The following PLCL1 variants were observed in gnomAD, a reference collection of about 807,000 sequenced individuals.
The protein encoded by PLCL1 is inactive phospholipase C-like protein 1.
In PLCL1, 41 loss-of-function variants were observed where a neutral mutation model predicts 84.4. The observed-to-expected ratio is 0.49, with a 90% CI of 0.38 to 0.63. The LOEUF (loss-of-function observed/expected upper bound fraction) is 0.63, where lower values mean the gene tolerates loss of function less well. Ranked by LOEUF, PLCL1 falls within the 30% of genes least tolerant of loss-of-function variation. The probability of loss-of-function intolerance (pLI) is 0.00; values close to 1 mark genes in which losing one functional copy is unlikely to be tolerated. For synonymous variants in PLCL1, 490 were observed against 488.3 expected (o/e 1.00, Z -0.05); for missense variants, 1,206 against 1,367.8 (o/e 0.88, Z 1.87).
chr2:198,030,777 A>C (rs926335859), intron 1 of PLCL1, among the ~76,000 whole-genome samples: 2 of 152,176 alleles, frequency 1.3e-5, no homozygotes, highest in Non-Finnish European at 2.9e-5. Flanking sequence ...AGCACACTGC[A>C]GAGGCGGAAT....
chr2:198,101,940 A>G (rs1483915576), intron 4 of PLCL1, among the ~76,000 whole-genome samples: 2 of 152,076 alleles, frequency 1.3e-5, no homozygotes, highest in African/African-American at 4.8e-5. Flanking sequence ...GACGAGGAAG[A>G]TGACAATAGT....
At chr2:198,082,918 G>A (rs910405252) in intron 1 of PLCL1, among the ~76,000 whole-genome samples, 1 of 152,168 alleles carries the variant, frequency 6.6e-6, no homozygotes, top group African/African-American at 2.4e-5. Context: ...GTCAGGGAAG[G>A]GTGAAATGGG....
intron 1 of PLCL1, among the ~76,000 whole-genome samples, chr2:198,042,073 T>C (rs1365934659): frequency 6.6e-6 from 1 of 152,152 alleles, no homozygotes; most frequent in Non-Finnish European, 1.5e-5. Context: ...TCTGTGATCG[T>C]GTTCTGGCTT....
At chr2:197,975,544 C>A (rs1689962980) in intron 1 of PLCL1, among the ~76,000 whole-genome samples, 1 of 152,184 alleles carries the variant, frequency 6.6e-6, no homozygotes, top group South Asian at 2.1e-4. Flanking sequence ...CCAGGCACCC[C>A]TGCAATCCCA....
intron 1 of PLCL1, among the ~76,000 whole-genome samples, chr2:197,960,254 G>A (rs748924298): frequency 6.6e-6 from 1 of 152,062 alleles, no homozygotes; most frequent in Admixed American, 6.6e-5. Context: ...AAAAGATGGA[G>A]GAACATTGAT....
intron 1 of PLCL1, among the ~76,000 whole-genome samples, chr2:197,944,248 C>T (rs1689226486): frequency 6.6e-6 from 1 of 152,052 alleles, no homozygotes; most frequent in Admixed American, 6.5e-5. Flanking sequence ...AATTTTGTCT[C>T]TTCAGAGAAG....
intron 1 of PLCL1, among the ~76,000 whole-genome samples, chr2:198,026,874 G>T (rs1263037732): frequency 6.6e-6 from 1 of 152,108 alleles, no homozygotes; most frequent in Non-Finnish European, 1.5e-5. Context: ...TACAAATATT[G>T]GCAAGGGTGT....
intron 1 of PLCL1, among the ~76,000 whole-genome samples, chr2:197,909,286 G>A (rs1372490953): frequency 2.0e-5 from 3 of 152,000 alleles, no homozygotes; most frequent in Non-Finnish European, 4.4e-5. Flanking sequence ...TGGTTTGAAA[G>A]AATGTTATTA....
chr2:197,882,789 G>A (rs1687853856), intron 1 of PLCL1, among the ~76,000 whole-genome samples: 1 of 152,160 alleles, frequency 6.6e-6, no homozygotes, highest in Non-Finnish European at 1.5e-5. Context: ...TATACTATAT[G>A]TATACTTATA....
In PLCL1 at chr2:198,085,339, A is replaced by T; in HGVS notation, c.1822A>T (p.Asn608Tyr). The stretch of plus-strand genomic sequence containing the variant: ...TTTTGAACTATCTATGAAAAGCCAA[A>T]ACTATTGGGAAATGTGTTCATTTAG... ...RDFELSMKSQ[N>Y]YWEMCSFSET... Residue 608 changes from asparagine to tyrosine, a missense_variant, in exon 2 of 6, where the codon AAC (asparagine) becomes TAC (tyrosine). Asn to Tyr is a moderately radical substitution (Grantham distance 143, BLOSUM62 -2). Coordinates refer to ENST00000428675, the MANE Select transcript of PLCL1 (RefSeq NM_006226.4). The surrounding 1 kb of genome is among the most constrained non-coding windows in gnomAD (Gnocchi z 5.3). 6.2e-7 allele frequency: 1 copy of T among 1,613,302 alleles called. No homozygotes were observed.
At chr2:198,056,774 G>A (rs1275560353) in intron 1 of PLCL1, among the ~76,000 whole-genome samples, 1 of 152,168 alleles carries the variant, frequency 6.6e-6, no homozygotes, top group African/African-American at 2.4e-5. Context: ...CAGTCCCTGA[G>A]CGATGGTTGA....
chr2:198,101,209 T>C (rs1395895635), intron 3 of PLCL1, 76 bp from the exon 4 acceptor site: 8 of 825,742 alleles, frequency 9.7e-6, no homozygotes, highest in Admixed American at 4.2e-5. Flanking sequence ...CATGTGGGTC[T>C]CTCTGTATGT....
chr2:197,917,344 A>G (rs776617335), intron 1 of PLCL1, among the ~76,000 whole-genome samples: 2 of 152,252 alleles, frequency 1.3e-5, no homozygotes, highest in African/African-American at 4.8e-5. Flanking sequence ...AGCCACAAAA[A>G]GAAATGGATG....
rs193152480 is a variant in PLCL1, at chr2:197,933,870, C to A, written c.240+128531C>A. Among the ~76,000 whole-genome samples the A allele has an allele frequency of 3.4e-3, 513 of 151,728 alleles. 2 individuals are homozygous for A. Among genetic ancestry groups the A allele is most frequent in the Non-Finnish European group, 5.1e-3 (349 of 67,888 alleles). ...TAATAATTTTGTAAAGTCTTACTTT[C>A]TTCCTTTCTATATATTTTTTGGGTA... On this transcript the variant is annotated intron_variant, in intron 1 of 5. Transcript: ENST00000428675.
chr2:198,089,841 C>T (rs1574304283), intron 3 of PLCL1, among the ~76,000 whole-genome samples: 1 of 152,086 alleles, frequency 6.6e-6, no homozygotes, highest in Admixed American at 6.5e-5. Context: ...AAACATTTAA[C>T]TTTAAAATAA....
chr2:198,006,613 T>A (rs1476882882), intron 1 of PLCL1, among the ~76,000 whole-genome samples: 2 of 152,210 alleles, frequency 1.3e-5, no homozygotes, highest in African/African-American at 4.8e-5. Flanking sequence ...ATTTTCCCAA[T>A]AGTCTGGAAC....
At chr2:197,842,868 A>G (rs980658762) in intron 1 of PLCL1, among the ~76,000 whole-genome samples, 1 of 152,154 alleles carries the variant, frequency 6.6e-6, no homozygotes, top group African/African-American at 2.4e-5. Flanking sequence ...TTCATTTCAC[A>G]TACATGCACA....
intron 3 of PLCL1, among the ~76,000 whole-genome samples, chr2:198,091,685 AAAAAT>A (rs567680554): frequency 0.02 from 2,362 of 118,092 alleles, 20 homozygotes; most frequent in East Asian, 0.048. Context: ...ATCTCAAATA[AAAAAT>A]AAAATAAAAT....
intron 1 of PLCL1, among the ~76,000 whole-genome samples, chr2:197,945,650 G>C (rs558074950): frequency 2.0e-5 from 3 of 152,126 alleles, no homozygotes; most frequent in Non-Finnish European, 4.4e-5. Context: ...TCTTCAACTC[G>C]TGGTGCCTCA....
Sources: allele counts gnomAD v4.1 joint callset (sites outside exome capture counted in the v4.1 genomes callset), GRCh38; gene constraint gnomAD v4.1.1; non-coding constraint Gnocchi (gnomAD v3.1); transcripts MANE v1.5; gene names NCBI Gene and HGNC (gene_info 2026-07-23, HGNC 2026-07-21).